Variants in VWA8 observed in about 807,000 individuals in gnomAD.
VWA8 encodes von Willebrand factor A domain containing 8, also known as von Willebrand factor A domain-containing protein 8.
Under a neutral mutation model 241.5 loss-of-function variants are expected in VWA8, and 221 were observed. The ratio of observed to expected loss-of-function variants is 0.91; its 90% confidence interval spans 0.82 to 1.02. The LOEUF (loss-of-function observed/expected upper bound fraction) is 1.02, where lower values mean the gene tolerates loss of function less well. Among genes scored for constraint, VWA8 ranks in the 50% least tolerant of loss-of-function variants. The pLI is 0.00. For synonymous variants in VWA8, 852 were observed against 827.1 expected (o/e 1.03, Z -0.52); for missense variants, 2,322 against 2,328.7 (o/e 1.00, Z 0.06).
At chr13:41,892,122 A>T (rs147111374) in intron 4 of VWA8, among the ~76,000 whole-genome samples, 29 of 152,322 alleles carry the variant, frequency 1.9e-4, no homozygotes, top group African/African-American at 5.8e-4. Context: ...AAAGAATCAG[A>T]TTTTACATTG....
intron 21 of VWA8, among the ~76,000 whole-genome samples, chr13:41,735,161 T>C (rs2045515508): frequency 6.6e-6 from 1 of 152,142 alleles, no homozygotes; most frequent in Non-Finnish European, 1.5e-5. Flanking sequence ...TATAGTAATA[T>C]AATGAATTTC....
At chr13:41,668,524 A>G (rs528190422) in intron 37 of VWA8, among the ~76,000 whole-genome samples, 1 of 152,344 alleles carries the variant, frequency 6.6e-6, no homozygotes, top group Admixed American at 6.5e-5. Context: ...AATGAAGAAT[A>G]GCTTGAAAGA....
At chr13:41,812,653 C>A (rs1039584206) in intron 16 of VWA8, among the ~76,000 whole-genome samples, 1 of 152,168 alleles carries the variant, frequency 6.6e-6, no homozygotes. Flanking sequence ...GTGTATTTCA[C>A]ATCTCCATAA....
At chr13:41,821,556 A>G (rs532361451) in intron 14 of VWA8, among the ~76,000 whole-genome samples, 1 of 152,308 alleles carries the variant, frequency 6.6e-6, no homozygotes, top group South Asian at 2.1e-4. Context: ...AGTGATAGAT[A>G]ATGAAAAAAT....
Position 41,868,388 on chromosome 13 carries a change from A to C in VWA8, c.1170T>G (p.Ala390=), listed in dbSNP as rs774607520. ...TATCTGCAATCCGGATGGTCACAGA[A>C]GCTTGGGACACATGGTTTTCCATCA... ...EKMMENHVSQ[A]SVTIRIADKE... The change falls in exon 10 of 45, where the codon GCT becomes GCG. Residue 390 remains alanine (A), a synonymous_variant. Coordinates refer to ENST00000379310, the MANE Select transcript of VWA8 (RefSeq NM_015058.2). 3.1e-6 allele frequency: 5 copies of C among 1,614,054 alleles called. No individual in the cohort carries two copies.
chr13:41,622,249 G>A (rs1205695640), intron 37 of VWA8, among the ~76,000 whole-genome samples: 1 of 152,104 alleles, frequency 6.6e-6, no homozygotes, highest in Non-Finnish European at 1.5e-5. Context: ...GTCCAACCCA[G>A]GACAGAAAGA....
At chr13:41,639,069 T>C (rs1267111269) in intron 37 of VWA8, among the ~76,000 whole-genome samples, 1 of 152,126 alleles carries the variant, frequency 6.6e-6, no homozygotes, top group Non-Finnish European at 1.5e-5. Flanking sequence ...GACTGGAATA[T>C]TGTCTGAGAA....
chr13:41,650,650 T>C (rs2044863222), intron 37 of VWA8, among the ~76,000 whole-genome samples: 1 of 152,236 alleles, frequency 6.6e-6, no homozygotes, highest in Non-Finnish European at 1.5e-5. Flanking sequence ...TTTATTGAAA[T>C]CTGACCAGGT....
chr13:41,656,180 T>C (rs1353358430), intron 37 of VWA8, among the ~76,000 whole-genome samples: 1 of 152,216 alleles, frequency 6.6e-6, no homozygotes, highest in African/African-American at 2.4e-5. Flanking sequence ...ATGACTTATA[T>C]GTAAATATGA....
At chr13:41,882,963 T>C (rs574977096) in intron 9 of VWA8, among the ~76,000 whole-genome samples, 2 of 152,338 alleles carry the variant, frequency 1.3e-5, no homozygotes, top group Admixed American at 1.3e-4. Context: ...TTTGTTCATA[T>C]ATATTGTTTA....
intron 9 of VWA8, among the ~76,000 whole-genome samples, chr13:41,872,270 G>C (rs1459295751): frequency 6.6e-6 from 1 of 152,182 alleles, no homozygotes; most frequent in African/African-American, 2.4e-5. Flanking sequence ...TGTTCACTCT[G>C]ATGGTAGTTT....
intron 4 of VWA8, among the ~76,000 whole-genome samples, chr13:41,904,153 G>C (rs1249424991): frequency 6.6e-6 from 1 of 152,000 alleles, no homozygotes; most frequent in African/African-American, 2.4e-5. Flanking sequence ...ACTTCAGAAA[G>C]TTTCATCTAA....
chr13:41,782,517 T>C (rs1439705653), intron 19 of VWA8, among the ~76,000 whole-genome samples: 1 of 152,192 alleles, frequency 6.6e-6, no homozygotes, highest in African/African-American at 2.4e-5. Flanking sequence ...AGCTTTATTT[T>C]CTGTTCATTT....
chr13:41,868,590 A>G, intron 9 of VWA8, 113 bp from the exon 10 acceptor site: 1 of 1,315,330 alleles, frequency 7.6e-7, no homozygotes, highest in South Asian at 1.5e-5. Context: ...TTATTATATA[A>G]AAGTAGAGGT....
intron 12 of VWA8, among the ~76,000 whole-genome samples, chr13:41,838,892 A>T (rs1182671006): frequency 6.6e-6 from 1 of 152,142 alleles, no homozygotes; most frequent in Non-Finnish European, 1.5e-5. Flanking sequence ...TATCCAGTCT[A>T]TCATTGATGG....
At chr13:41,587,387 C>G (rs1204187491) in intron 42 of VWA8, 125 bp downstream of exon 42, 2 of 1,264,186 alleles carry the variant, frequency 1.6e-6, no homozygotes, top group Non-Finnish European at 2.2e-6. Context: ...GCTTCACTTT[C>G]TCTGCACTGA....
intron 12 of VWA8, among the ~76,000 whole-genome samples, chr13:41,863,796 C>T (rs1445846082): frequency 1.3e-5 from 2 of 151,894 alleles, no homozygotes; most frequent in Non-Finnish European, 2.9e-5. Flanking sequence ...ATGGGAAAAA[C>T]AAACAATAGG....
intron 7 of VWA8, among the ~76,000 whole-genome samples, chr13:41,886,509 AT>A (rs1299613900): frequency 1.3e-5 from 2 of 152,230 alleles, no homozygotes; most frequent in African/African-American, 4.8e-5. Context: ...TGAAGCCCTT[AT>A]AAAGTCTCAA....
chr13:41,869,030 G>A (rs747050956), intron 9 of VWA8, among the ~76,000 whole-genome samples: 2 of 150,876 alleles, frequency 1.3e-5, no homozygotes, highest in Admixed American at 6.6e-5. Context: ...TTTACTAAAT[G>A]ACAAGAAATG....
Sources: allele counts gnomAD v4.1 joint callset (sites outside exome capture counted in the v4.1 genomes callset), GRCh38; gene constraint gnomAD v4.1.1; transcripts MANE v1.5; gene names NCBI Gene and HGNC (gene_info 2026-07-23, HGNC 2026-07-21).